The following CACNA1B variants were observed in gnomAD, a reference collection of about 807,000 sequenced individuals.
The protein encoded by CACNA1B is calcium voltage-gated channel subunit alpha1 B, also known as voltage-dependent N-type calcium channel subunit alpha-1B.
A neutral mutation model predicts 247.2 loss-of-function variants in CACNA1B; 70 were observed. That is an observed-to-expected ratio of 0.28 (90% confidence interval 0.23 to 0.35). The LOEUF (loss-of-function observed/expected upper bound fraction) is 0.35, where lower values mean the gene tolerates loss of function less well. CACNA1B is among the 10% of genes least tolerant of loss of function. The pLI, the probability that CACNA1B is intolerant of heterozygous loss-of-function variation, is 1.00. For synonymous variants in CACNA1B, 1,231 were observed against 1,294.4 expected, an observed-to-expected ratio of 0.95 and a Z score of 1.05; for missense variants, 2,367 against 3,197.4, an observed-to-expected ratio of 0.74 and a Z score of 6.26.
chr9:138,107,337 C>T (rs1001549829), intron 39 of CACNA1B, among the ~76,000 whole-genome samples: 1 of 151,730 alleles, frequency 6.6e-6, no homozygotes, highest in Non-Finnish European at 1.5e-5. Flanking sequence ...GCCTCCACCT[C>T]CCAGGCTCAA....
rs189311480 is a variant in CACNA1B at position 138,009,335 on chromosome 9, C to G, written c.2093-675C>G. Among the ~76,000 whole-genome samples, 33 of 152,350 alleles carry G rather than the reference C, an allele frequency of 2.2e-4. No individual in the cohort carries two copies. The East Asian group carries it at 6.4e-3, about 29-fold the overall frequency. ...CAGATCATGCCATCTGCCGTCTCCA[C>G]GGCCTGACGTGAGTCCTGCAATCTA... is the stretch of plus-strand genomic sequence containing the variant. On this transcript the variant is annotated intron_variant, in intron 16 of 46. Coordinates refer to ENST00000371372, the MANE Select transcript of CACNA1B (RefSeq NM_000718.4).
chr9:137,892,259 G>T, intron 3 of CACNA1B: 1 of 456,816 alleles, frequency 2.2e-6, no homozygotes, highest in Non-Finnish European at 4.4e-6. Context: ...GAGGCTGGAG[G>T]TCCAAGATCA....
intron 18 of CACNA1B, among the ~76,000 whole-genome samples, chr9:138,021,587 G>A (rs1378019057): frequency 1.3e-5 from 2 of 152,232 alleles, no homozygotes; most frequent in East Asian, 3.9e-4. Flanking sequence ...CGTGGTTGTA[G>A]CCTGTGTTGT....
At chr9:138,062,144 T>C (rs1351724452) in intron 31 of CACNA1B, among the ~76,000 whole-genome samples, 1 of 152,218 alleles carries the variant, frequency 6.6e-6, no homozygotes, top group Non-Finnish European at 1.5e-5. Flanking sequence ...TCCAGGATCC[T>C]GACCAGCCGT....
At chr9:137,879,580 C>T (rs1956888549) in intron 2 of CACNA1B, among the ~76,000 whole-genome samples, 1 of 152,270 alleles carries the variant, frequency 6.6e-6, no homozygotes, top group Non-Finnish European at 1.5e-5. Context: ...AACCCTGAGC[C>T]TCATCCTCCA....
chr9:137,951,371 G>A (rs781028102), intron 6 of CACNA1B, among the ~76,000 whole-genome samples: 2 of 152,192 alleles, frequency 1.3e-5, no homozygotes, highest in African/African-American at 2.4e-5. Flanking sequence ...AATGCCAACA[G>A]CAGCACCTGG....
chr9:137,952,145 C>T lies in CACNA1B; in HGVS notation c.967-129C>T. The T allele has an allele frequency of 2.9e-6, 2 of 694,476 alleles. No homozygotes were observed. The highest frequency in any genetic ancestry group is 5.2e-6 in the Non-Finnish European group (2 of 388,046). 43.0% of individuals were successfully genotyped at this position (694,476 alleles called of 1,614,324 possible). A position where few individuals can be genotyped will look rare whatever the true frequency, so the allele number is the denominator to read the frequency against. On this transcript the variant is annotated intron_variant, in intron 6 of 46. Coordinates refer to ENST00000371372, the MANE Select transcript of CACNA1B (RefSeq NM_000718.4). This position sits in a 1 kb window ranked among gnomAD's most constrained non-coding sequence, Gnocchi z 4.8. The stretch of plus-strand genomic sequence containing the variant: ...ATGCTTGGACCTCCCTGTGACTGGC[C>T]TCCCCACTGCCTGGACCCTACCAGG...
At chr9:137,964,588 C>T (rs1958054594) in intron 10 of CACNA1B, among the ~76,000 whole-genome samples, 1 of 152,128 alleles carries the variant, frequency 6.6e-6, no homozygotes, top group South Asian at 2.1e-4. Context: ...CTATCAGTTC[C>T]TGTATTGTTT....
chr9:137,966,527 A>G (rs1958078473), intron 10 of CACNA1B, among the ~76,000 whole-genome samples: 1 of 140,734 alleles, frequency 7.1e-6, no homozygotes, highest in Non-Finnish European at 1.5e-5. Flanking sequence ...GTGCCTGGCC[A>G]AAATTTTTTT....
At chr9:137,972,457 G>C (rs1958165046) in intron 11 of CACNA1B, among the ~76,000 whole-genome samples, 1 of 152,118 alleles carries the variant, frequency 6.6e-6, no homozygotes, top group South Asian at 2.1e-4. Context: ...AGCTGCCGAG[G>C]CACCCAGGAA....
At position 138,100,863 on chromosome 9, in the gene CACNA1B, G is replaced by A. The variant is rs1961227105; in HGVS notation, c.5223-1848G>A. Among the ~76,000 whole-genome samples the A allele has an allele frequency of 6.6e-6, 1 of 152,148 alleles. No individual in the cohort carries two copies. The highest frequency in any genetic ancestry group is 2.4e-5 in the African/African-American group (1 of 41,438). On this transcript the variant is annotated intron_variant, in intron 37 of 46. Coordinates refer to ENST00000371372, the MANE Select transcript of CACNA1B (RefSeq NM_000718.4). The surrounding 1 kb of genome is among the most constrained non-coding windows in gnomAD (Gnocchi z 4.6). ...GAGCTGACCGAGAGGGAGGGGCAGG[G>A]CAGTGTTCTGTGTGGAGCGGCTCCT...
intron 31 of CACNA1B, 47 bp from the exon 32 acceptor site, chr9:138,069,710 AT>A: frequency 6.5e-7 from 1 of 1,539,514 alleles, no homozygotes; most frequent in Non-Finnish European, 9.0e-7. Context: ...AACCTCCCCA[AT>A]TTGTAAATAA....
At chr9:138,094,442 T>TAAAAAA (rs753995157) in intron 36 of CACNA1B, among the ~76,000 whole-genome samples, 18 of 93,668 alleles carry the variant, frequency 1.9e-4, no homozygotes, top group African/African-American at 2.1e-4. Context: ...TTTACTACAG[T>TAAAAAA]AAAAAAAAAA....
At chr9:137,922,575 C>T (rs1456212845) in intron 6 of CACNA1B, among the ~76,000 whole-genome samples, 1 of 152,040 alleles carries the variant, frequency 6.6e-6, no homozygotes, top group Non-Finnish European at 1.5e-5. Context: ...GCGTGGGTTA[C>T]AGGGAGGAGG....
intron 10 of CACNA1B, among the ~76,000 whole-genome samples, chr9:137,965,040 C>T (rs1338137436): frequency 6.6e-6 from 1 of 152,226 alleles, no homozygotes; most frequent in Non-Finnish European, 1.5e-5. Context: ...GGTCGTGAAA[C>T]AGCAAAGATG....
At chr9:138,070,842 G>A (rs1387110939) in intron 32 of CACNA1B, among the ~76,000 whole-genome samples, 1 of 152,186 alleles carries the variant, frequency 6.6e-6, no homozygotes, top group Non-Finnish European at 1.5e-5. Context: ...TCTCTTTCCC[G>A]TCTTCAATTG....
chr9:137,965,573 T>TTTTA (rs10586603), intron 10 of CACNA1B, among the ~76,000 whole-genome samples: 12,205 of 148,470 alleles, frequency 0.082, 580 homozygotes, highest in African/African-American at 0.11. Flanking sequence ...TCCTACTTCA[T>TTTTA]TTTATTTATT....
Position 138,121,760 on chromosome 9 carries a change from G to A in CACNA1B, c.6781G>A (p.Gly2261Arg). 6.2e-7 allele frequency: 1 copy of A among 1,613,304 alleles called. No individual in the cohort carries two copies. The highest frequency in any genetic ancestry group is 8.5e-7 in the Non-Finnish European group (1 of 1,179,876). Residue 2261 changes from glycine to arginine, a missense_variant, in exon 47 of 47, where the codon GGG becomes AGG. This residue lies in a region of CACNA1B where 773 missense variants were observed against 779.4 expected (regional missense o/e 0.99). Coordinates refer to ENST00000371372, the MANE Select transcript of CACNA1B (RefSeq NM_000718.4). This position sits in a 1 kb window ranked among gnomAD's most constrained non-coding sequence, Gnocchi z 6.8. ...GSRIGSDPYL[G>R]QRLDSEASVH... ...TCGAATTGGCTCTGACCCTTACCTGGGGCAGCGTCTGGACAGTGAGGCCTC... is the reference window on the plus strand; with the variant it reads ...TCGAATTGGCTCTGACCCTTACCTGAGGCAGCGTCTGGACAGTGAGGCCTC...
intron 6 of CACNA1B, among the ~76,000 whole-genome samples, chr9:137,923,361 C>T (rs1214704206): frequency 0.01 from 873 of 84,202 alleles, 38 homozygotes; most frequent in African/African-American, 0.04. Flanking sequence ...TATTCCGTGG[C>T]TCCAGGTGGT....
Sources: gnomAD v4.1 joint callset for allele counts (sites outside exome capture counted in the v4.1 genomes callset) on GRCh38, gnomAD v4.1.1 for gene constraint, gnomAD v4.1.1 regional missense constraint, Gnocchi (gnomAD v3.1) non-coding constraint, MANE v1.5 for transcripts, NCBI Gene and HGNC (gene_info 2026-07-23, HGNC 2026-07-21) for gene names.